WDR77: variants seen among roughly 807,000 people sequenced by gnomAD.
WDR77 encodes the protein methylosome protein WDR77.
Under a neutral mutation model 44.0 loss-of-function variants are expected in WDR77, and 31 were observed. The observed-to-expected ratio is 0.70, with a 90% CI of 0.53 to 0.95. The LOEUF (loss-of-function observed/expected upper bound fraction) is 0.95, where lower values mean the gene tolerates loss of function less well. Among genes scored for constraint, WDR77 ranks in the 40% least tolerant of loss-of-function variants. The probability of loss-of-function intolerance (pLI) is 0.00; values close to 1 mark genes in which losing one functional copy is unlikely to be tolerated. For synonymous variants in WDR77, 186 were observed against 165.7 expected (o/e 1.12, Z -0.94); for missense variants, 390 against 423.9 (o/e 0.92, Z 0.70).
At position 111,443,362 on chromosome 1, in the gene WDR77, G is replaced by C; in HGVS notation, c.652C>G (p.Leu218Val). The C allele has an allele frequency of 6.4e-7, 1 of 1,552,352 alleles. No homozygotes were observed. Among genetic ancestry groups the C allele is most frequent in the Non-Finnish European group, 8.7e-7 (1 of 1,147,278 alleles). Residue 218 changes from leucine (L) to valine (V), a missense_variant, in exon 7 of 10, where the codon CTG becomes GTG. Physicochemically the swap from Leu to Val is conservative, Grantham distance 32 (BLOSUM62 1). Coordinates refer to ENST00000235090, the MANE Select transcript of WDR77 (RefSeq NM_024102.4). ...CSAPGYLPTS[L>V]AWHPQQSEVF... ...TCACTTTGCTGAGGATGCCAAGCCA[G>C]CGAGGTAGGAAGGTAGCCAGGCGCA...
At chr1:111,446,969 G>T in intron 4 of WDR77, 126 bp downstream of exon 4, 1 of 943,688 alleles carries the variant, frequency 1.1e-6, no homozygotes, top group East Asian at 2.4e-5. Context: ...AGATACCGGA[G>T]CCTGACTATT....
At position 111,443,366 on chromosome 1, in the gene WDR77, G is replaced by C. The variant is rs1344764454; in HGVS notation, c.648C>G (p.Thr216=). ...TTTGCTGAGGATGCCAAGCCAGCGA[G>C]GTAGGAAGGTAGCCAGGCGCACTGC... ...IGCSAPGYLP[T]SLAWHPQQSE... is the part of the protein sequence containing the mutation. The change falls in exon 7 of 10, where the codon ACC becomes ACG. Residue 216 remains threonine, a synonymous_variant. Coordinates refer to ENST00000235090, the MANE Select transcript of WDR77 (RefSeq NM_024102.4). The C allele has an allele frequency of 6.4e-7, 1 of 1,552,396 alleles. No individual in the cohort carries two copies. Among genetic ancestry groups the C allele is most frequent in the Non-Finnish European group, 8.7e-7 (1 of 1,147,310 alleles).
At chr1:111,448,512 G>C in intron 2 of WDR77, 107 bp downstream of exon 2, 1 of 1,348,396 alleles carries the variant, frequency 7.4e-7, no homozygotes, top group East Asian at 2.3e-5. Flanking sequence ...GCTCCTCCAA[G>C]CACTGAGTAT....
At position 111,449,102 on chromosome 1, in the gene WDR77, G is replaced by A. The variant is rs1293192030; in HGVS notation, c.68C>T (p.Ala23Val). The change falls in exon 1 of 10, where the codon GCG becomes GTG. Residue 23 changes from alanine (A) to valine (V), a missense_variant. Ala to Val is a moderately conservative substitution (Grantham distance 64). Coordinates refer to ENST00000235090, the MANE Select transcript of WDR77 (RefSeq NM_024102.4). ...AAREWNLPPN[A>V]PACMERQLEA... ...CAACTGCCGTTCCATGCAGGCGGGC[G>A]CATTTGGGGGAAGATTCCACTCCCG... The A allele has an allele frequency of 2.5e-6, 4 of 1,603,768 alleles. No homozygotes were observed. The highest frequency in any genetic ancestry group is 1.7e-6 in the Non-Finnish European group (2 of 1,176,978).
chr1:111,445,011 G>A (rs1331764488), intron 4 of WDR77, among the ~76,000 whole-genome samples: 34 of 152,172 alleles, frequency 2.2e-4, no homozygotes, highest in Admixed American at 2.0e-3. Context: ...ACTAAGTAGC[G>A]TTAACCTGCG....
chr1:111,442,237 C>T, intron 8 of WDR77, 144 bp from the exon 9 acceptor site: 1 of 720,974 alleles, frequency 1.4e-6, no homozygotes, highest in Non-Finnish European at 2.4e-6. Context: ...TACTACAAGT[C>T]CACACTAAAA....
At chr1:111,443,520 T>C (rs1250926230) in intron 6 of WDR77, 126 bp from the exon 7 acceptor site, 1 of 1,260,046 alleles carries the variant, frequency 7.9e-7, no homozygotes, top group African/African-American at 1.5e-5. Flanking sequence ...AAGGCAGCAG[T>C]GTCCTCATCC....
At chr1:111,448,837 G>A (rs1309974303) in intron 1 of WDR77, 33 bp from the exon 2 acceptor site, 5 of 1,553,960 alleles carry the variant, frequency 3.2e-6, no homozygotes, top group African/African-American at 1.4e-5. Context: ...GCGCGTGAAG[G>A]GTAGAAGGGT....
chr1:111,447,065 C>T lies in WDR77; in HGVS notation c.493+30G>A, dbSNP rs1190964513. 1.9e-6 allele frequency: 3 copies of T among 1,613,330 alleles called. No individual in the cohort carries two copies. In the African/African-American group the frequency reaches 4.0e-5, roughly 22 times the overall value. On this transcript the variant is annotated intron_variant, in intron 4 of 9. Transcript: ENST00000235090. ...AAAAGTCCAAAAACACAACAGCTAA[C>T]ACCAGGGCTAAAAATGAAAGAATAC...
chr1:111,446,571 A>G (rs1290109340), intron 4 of WDR77, among the ~76,000 whole-genome samples: 1 of 152,250 alleles, frequency 6.6e-6, no homozygotes, highest in East Asian at 1.9e-4. Context: ...ATAAAAGACC[A>G]AAAGAGCTAG....
Position 111,449,039 on chromosome 1 carries a change from C to T in WDR77, c.115+16G>A, listed in dbSNP as rs1350074879. 1 of 1,569,150 alleles carries T rather than the reference C, an allele frequency of 6.4e-7. No homozygotes were observed. The highest frequency in any genetic ancestry group is 1.2e-5 in the South Asian group (1 of 85,894). ...GCCGGGGTAAGGGAGCTCCCAGGCC[C>T]GGGATCTCGGCTCACCGGACCGGTA... On this transcript the variant is annotated intron_variant, in intron 1 of 9. Coordinates refer to ENST00000235090, the MANE Select transcript of WDR77 (RefSeq NM_024102.4).
Position 111,443,745 on chromosome 1 carries a change from T to C in WDR77, c.619+122A>G, listed in dbSNP as rs1322061573. On this transcript the variant is annotated intron_variant, in intron 6 of 9. Transcript: ENST00000235090. Reference sequence around the variant, plus strand: ...GCCTCACTGGAAAAGAAGGAGATTATGTCACTCATGTCACAGTAACTACAC... The same window carrying C: ...GCCTCACTGGAAAAGAAGGAGATTACGTCACTCATGTCACAGTAACTACAC... 5 of 1,529,898 alleles carry C rather than the reference T, an allele frequency of 3.3e-6. No individual in the cohort carries two copies. The South Asian group carries it at 3.8e-5, about 12-fold the overall frequency. The allele number at this position is 1,529,898 out of a possible 1,614,324, so 94.8% of individuals were successfully genotyped here. A position where few individuals can be genotyped will look rare whatever the true frequency, so the allele number is the denominator to read the frequency against.
chr1:111,444,680 AGGGACAAAAG>A (rs1174719944), intron 4 of WDR77, among the ~76,000 whole-genome samples: 1 of 152,214 alleles, frequency 6.6e-6, no homozygotes, highest in Non-Finnish European at 1.5e-5. Flanking sequence ...TTCTAAACTA[AGGGACAAAAG>A]GGGCTTTTCC....
chr1:111,443,303 A>T lies in WDR77; in HGVS notation c.691+20T>A. On this transcript the variant is annotated intron_variant, in intron 7 of 9. Coordinates refer to ENST00000235090, the MANE Select transcript of WDR77 (RefSeq NM_024102.4). ...CTCCCCTTTCCCAGAGTCAATATGA[A>T]GTCTGACACGCTGCCTTACCAAAGA... 1 of 1,550,390 alleles carries T rather than the reference A, an allele frequency of 6.4e-7. No individual in the cohort carries two copies. Among genetic ancestry groups the T allele is most frequent in the East Asian group, 2.4e-5 (1 of 40,900 alleles).
At position 111,443,861 on chromosome 1, in the gene WDR77, A is replaced by C; in HGVS notation, c.619+6T>G. On this transcript the variant is annotated splice_donor_region_variant and intron_variant, in intron 6 of 9. Coordinates refer to ENST00000235090, the MANE Select transcript of WDR77 (RefSeq NM_024102.4). ...CTATTCTCCCACCAATGAATCTCAG[A>C]CTCACCAATCTGTGATGCTGGCTTG... The C allele has an allele frequency of 6.2e-7, 1 of 1,614,054 alleles. No individual in the cohort carries two copies. Among genetic ancestry groups the C allele is most frequent in the Non-Finnish European group, 8.5e-7 (1 of 1,179,952 alleles).
chr1:111,441,113 GCA>G lies in WDR77; in HGVS notation c.*115_*116del, dbSNP rs1378102249. 7.9e-6 allele frequency: 9 copies of G among 1,138,882 alleles called. No individual in the cohort carries two copies. The East Asian group carries it at 2.6e-4, about 33-fold the overall frequency. The allele number at this position is 1,138,882 out of a possible 1,614,324, so 70.5% of individuals were successfully genotyped here. ...GGCTGAGAGACGATGCCTATTAACG[GCA>G]CAGATCTAGCATATCAACATACTAT... On this transcript the variant is annotated 3_prime_UTR_variant, in exon 10 of 10. Coordinates refer to ENST00000235090, the MANE Select transcript of WDR77 (RefSeq NM_024102.4).
rs754506516 is a variant in WDR77, at chr1:111,448,620, T to G, written c.300A>C (p.Ser100=). The G allele has an allele frequency of 5.6e-6, 9 of 1,614,088 alleles. No individual in the cohort carries two copies. The South Asian group carries it at 9.9e-5, about 18-fold the overall frequency. The stretch of plus-strand genomic sequence containing the variant: ...GTGGATAATGGGATAGTGACTCACC[T>G]GAATCGGAGGCCACTAGAATACCTC... ...GERGILVASD[S]GAVELWELDE... The change falls in exon 2 of 10, where the codon TCA becomes TCC. Residue 100 remains serine (S), a splice_region_variant and synonymous_variant. Coordinates refer to ENST00000235090, the MANE Select transcript of WDR77 (RefSeq NM_024102.4).
intron 9 of WDR77, chr1:111,441,723 A>G: frequency 1.5e-6 from 1 of 677,768 alleles, no homozygotes; most frequent in Non-Finnish European, 2.2e-6. Context: ...TGCATTTCAT[A>G]CGCAGTTCTT....
chr1:111,447,719 G>C (rs1466348887), intron 2 of WDR77, 143 bp from the exon 3 acceptor site: 3 of 964,788 alleles, frequency 3.1e-6, no homozygotes, highest in Non-Finnish European at 4.7e-6. Context: ...TCATTGGAGA[G>C]TTCAGCTAAT....
Sources: allele counts gnomAD v4.1 joint callset (sites outside exome capture counted in the v4.1 genomes callset), GRCh38; gene constraint gnomAD v4.1.1; transcripts MANE v1.5; gene names NCBI Gene and HGNC (gene_info 2026-07-23, HGNC 2026-07-21).